The following NCOA2 variants were observed in gnomAD, a reference collection of about 807,000 sequenced individuals.
NCOA2 encodes the protein nuclear receptor coactivator 2.
Under a neutral mutation model 145.1 loss-of-function variants are expected in NCOA2, and 21 were observed. The ratio of observed to expected loss-of-function variants is 0.14; its 90% confidence interval spans 0.10 to 0.21. NCOA2 has a LOEUF of 0.21. Among genes scored for constraint, NCOA2 ranks in the 10% least tolerant of loss-of-function variants. NCOA2 has a pLI of 1.00. For missense variants in NCOA2, 1,472 were observed against 1,837.6 expected, an observed-to-expected ratio of 0.80 and a Z score of 3.64; for synonymous variants, 619 against 637.5, an observed-to-expected ratio of 0.97 and a Z score of 0.44.
chr8:70,417,656 G>C, the NCOA2 span, among the ~76,000 whole-genome samples: 1 of 152,136 alleles, frequency 6.6e-6, no homozygotes, highest in Admixed American at 6.6e-5. Context: ...AGCTGATCGT[G>C]GTTTTTTACC....
chr8:70,220,392 G>T (rs1450455999), intron 2 of NCOA2, among the ~76,000 whole-genome samples: 2 of 152,112 alleles, frequency 1.3e-5, no homozygotes, highest in East Asian at 3.8e-4. Flanking sequence ...GATGTTGGGG[G>T]TTGTGAAAGG....
intron 2 of NCOA2, among the ~76,000 whole-genome samples, chr8:70,238,259 C>T (rs1045648666): frequency 6.6e-6 from 1 of 152,110 alleles, no homozygotes; most frequent in African/African-American, 2.4e-5. Context: ...CAAGAGATGC[C>T]ACACTGACAA....
upstream of NCOA2, among the ~76,000 whole-genome samples, chr8:70,408,021 C>A (rs1189481160): frequency 6.6e-6 from 1 of 152,020 alleles, no homozygotes; most frequent in Admixed American, 6.6e-5. Flanking sequence ...TCTATTCATA[C>A]CTCCCTTATT....
At chr8:70,202,370 C>G (rs1237940144) in intron 4 of NCOA2, among the ~76,000 whole-genome samples, 1 of 152,118 alleles carries the variant, frequency 6.6e-6, no homozygotes, top group Non-Finnish European at 1.5e-5. Flanking sequence ...AACAGGATCT[C>G]AAAGAGATAT....
intron 9 of NCOA2, among the ~76,000 whole-genome samples, 167 bp from the exon 10 acceptor site, chr8:70,159,819 T>C (rs1342400614): frequency 6.6e-6 from 1 of 152,230 alleles, no homozygotes; most frequent in Non-Finnish European, 1.5e-5. Flanking sequence ...CATAACATTT[T>C]AAAAGCACAT....
At chr8:70,148,573 G>C (rs1274437892) in intron 11 of NCOA2, 90 bp from the exon 12 acceptor site, 6 of 1,153,002 alleles carry the variant, frequency 5.2e-6, no homozygotes, top group Non-Finnish European at 7.6e-6. Flanking sequence ...ACTGCCATAA[G>C]GCACCACAGC....
intron 1 of NCOA2, among the ~76,000 whole-genome samples, chr8:70,363,255 C>T (rs1386126007): frequency 1.3e-5 from 2 of 151,238 alleles, no homozygotes; most frequent in East Asian, 1.9e-4. Context: ...TGGTGGCGGG[C>T]GCCTGTAGTC....
chr8:70,133,200 C>CTTTTTTTTTTTTTTTTTTTTTTTTTT (rs57813061), intron 15 of NCOA2, among the ~76,000 whole-genome samples: 19 of 106,964 alleles, frequency 1.8e-4, no homozygotes, highest in African/African-American at 7.6e-4. Context: ...CTGGCTGCTA[C>CTTTTTTTTTTTTTTTTTTTTTTTTTT]TTTTTTTTTT....
intron 5 of NCOA2, among the ~76,000 whole-genome samples, chr8:70,173,949 C>A (rs1478267164): frequency 6.6e-6 from 1 of 152,204 alleles, no homozygotes; most frequent in East Asian, 1.9e-4. Context: ...AATGGCAGTG[C>A]TGCAAAGCTT....
chr8:70,159,573 C>T lies in NCOA2; in HGVS notation c.1056G>A (p.Lys352=). The T allele has an allele frequency of 2.5e-6, 4 of 1,612,572 alleles. No homozygotes were observed. The highest frequency in any genetic ancestry group is 3.4e-6 in the Non-Finnish European group (4 of 1,178,844). The change falls in exon 10 of 23, where the codon AAG becomes AAA. Residue 352 remains lysine (K), a synonymous_variant. Transcript: ENST00000452400. ...TAGTCTGAGAACGGATGAGTTTGCT[C>T]TTCGTTTGTGCAGCAACAAGAGTGC... is the stretch of plus-strand genomic sequence containing the variant. ...SDGTLVAAQT[K]SKLIRSQTTN...
chr8:70,433,830 CAGG>C, the NCOA2 span, among the ~76,000 whole-genome samples: 2 of 152,116 alleles, frequency 1.3e-5, no homozygotes, highest in African/African-American at 4.8e-5. Flanking sequence ...AAGGGGGCAC[CAGG>C]AGGAGAAGCA....
In NCOA2 at chr8:70,112,339, C is replaced by T. The variant is rs990308246; in HGVS notation, c.*1293G>A. On this transcript the variant is annotated 3_prime_UTR_variant, in exon 23 of 23. Coordinates refer to ENST00000452400, the MANE Select transcript of NCOA2 (RefSeq NM_006540.4). The stretch of plus-strand genomic sequence containing the variant: ...TCAATTCCACAATATGTATACCTCA[C>T]AAAAATTATACAATTAAAACACATA... 5.2e-6 allele frequency: 1 copy of T among 193,816 alleles called. No homozygotes were observed. The highest frequency in any genetic ancestry group is 2.3e-5 in the African/African-American group (1 of 43,176). 12.0% of individuals were successfully genotyped at this position (193,816 alleles called of 1,614,324 possible). A position where few individuals can be genotyped will look rare whatever the true frequency, so the allele number is the denominator to read the frequency against.
At chr8:70,151,686 T>C (rs757927869) in intron 11 of NCOA2, among the ~76,000 whole-genome samples, 15 of 152,328 alleles carry the variant, frequency 9.8e-5, no homozygotes, top group Non-Finnish European at 2.1e-4. Context: ...TTTGAATTCA[T>C]TCAAGCTTGG....
At chr8:70,232,261 C>T (rs922918821) in intron 2 of NCOA2, among the ~76,000 whole-genome samples, 3 of 152,064 alleles carry the variant, frequency 2.0e-5, no homozygotes, top group African/African-American at 2.4e-5. Flanking sequence ...TCTTTCACAC[C>T]ACCCTCTCAT....
intron 1 of NCOA2, among the ~76,000 whole-genome samples, chr8:70,346,617 G>C (rs1246474102): frequency 6.6e-6 from 1 of 152,112 alleles, no homozygotes; most frequent in African/African-American, 2.4e-5. Flanking sequence ...GCTCAATGAG[G>C]CAGCTTCTGA....
At chr8:70,223,701 C>A (rs921367136) in intron 2 of NCOA2, among the ~76,000 whole-genome samples, 1 of 152,098 alleles carries the variant, frequency 6.6e-6, no homozygotes, top group Non-Finnish European at 1.5e-5. Context: ...CTGTAACAGC[C>A]TGATTATCAC....
the NCOA2 span, among the ~76,000 whole-genome samples, chr8:70,451,237 A>AATATATATATATATAT: frequency 1.4e-5 from 1 of 69,526 alleles, no homozygotes; most frequent in African/African-American, 7.6e-5. Flanking sequence ...AAAAAAAAAA[A>AATATATATATATATAT]ATATATATAT....
At chr8:70,422,187 G>A in the NCOA2 span, among the ~76,000 whole-genome samples, 1 of 151,940 alleles carries the variant, frequency 6.6e-6, no homozygotes, top group Admixed American at 6.6e-5. Flanking sequence ...ATTTCTCTGG[G>A]GCCCAAATTT....
At chr8:70,275,551 T>A (rs1043449471) in intron 2 of NCOA2, among the ~76,000 whole-genome samples, 8 of 152,154 alleles carry the variant, frequency 5.3e-5, no homozygotes, top group Non-Finnish European at 1.2e-4. Flanking sequence ...TCTGATACCT[T>A]AAAACAGGTT....
Sources: allele counts gnomAD v4.1 joint callset (sites outside exome capture counted in the v4.1 genomes callset), GRCh38; gene constraint gnomAD v4.1.1; transcripts MANE v1.5; gene names NCBI Gene and HGNC (gene_info 2026-07-23, HGNC 2026-07-21).